CDK11B: variants seen among roughly 807,000 people sequenced by gnomAD.
The protein encoded by CDK11B is cyclin-dependent kinase 11B.
In CDK11B, 37 loss-of-function variants were observed where a neutral mutation model predicts 84.0. The ratio of observed to expected loss-of-function variants is 0.44; its 90% CI spans 0.34 to 0.58. The LOEUF is 0.58. Ranked by LOEUF, CDK11B falls within the 20% of genes least tolerant of loss-of-function variation. The pLI is 0.02. For synonymous variants in CDK11B, 269 were observed against 309.8 expected, an observed-to-expected ratio of 0.87 and a Z score of 1.38; for missense variants, 427 against 834.0, an observed-to-expected ratio of 0.51 and a Z score of 6.01.
At position 1,640,260 on chromosome 1, in the gene CDK11B, C is replaced by A. The variant is rs775877993; in HGVS notation, c.1251+17G>T. The A allele has an allele frequency of 1.2e-5, 19 of 1,612,230 alleles. No homozygotes were observed. In the African/African-American group the frequency reaches 2.1e-4, roughly 18 times the overall value. ...TGCCAATGCGGACAGTGGCCCGGGGCGAGGGGAGGGCCTGACCTGCAGGGC... is the reference window on the plus strand; with the variant it reads ...TGCCAATGCGGACAGTGGCCCGGGGAGAGGGGAGGGCCTGACCTGCAGGGC... On this transcript the variant is annotated intron_variant, in intron 11 of 19. Coordinates refer to ENST00000341832, the MANE Select transcript of CDK11B (RefSeq NM_033486.3).
At position 1,646,561 on chromosome 1, in the gene CDK11B, G is replaced by A. The variant is rs1557694917; in HGVS notation, c.495-1299C>T. 9.7e-6 allele frequency: 5 copies of A among 517,464 alleles called. No individual in the cohort carries two copies. In the East Asian group the frequency reaches 2.7e-4, roughly 28 times the overall value. 32.1% of individuals were successfully genotyped at this position (517,464 alleles called of 1,614,324 possible). On this transcript the variant is annotated intron_variant, in intron 5 of 19. Transcript: ENST00000341832. ...CAGTAAAACCTAAGATGTGAGGAGAGATAGTTACAGGATATTGACGTCAAC... is the reference window on the plus strand; with the variant it reads ...CAGTAAAACCTAAGATGTGAGGAGAAATAGTTACAGGATATTGACGTCAAC...
chr1:1,647,728 G>A (rs1158800790), intron 5 of CDK11B, among the ~76,000 whole-genome samples: 2 of 152,248 alleles, frequency 1.3e-5, no homozygotes, highest in Non-Finnish European at 2.9e-5. Flanking sequence ...TCTTTGGCGA[G>A]ATCACAGCTG....
At chr1:1,657,727 C>T (rs1642943079) in intron 1 of CDK11B, among the ~76,000 whole-genome samples, 1 of 120,850 alleles carries the variant, frequency 8.3e-6, no homozygotes, top group Admixed American at 8.6e-5. Flanking sequence ...GGCAAAACCT[C>T]GTCTCTACAA....
At chr1:1,647,208 G>C (rs1171659660) in intron 5 of CDK11B, among the ~76,000 whole-genome samples, 1 of 152,220 alleles carries the variant, frequency 6.6e-6, no homozygotes, top group Non-Finnish European at 1.5e-5. Context: ...TCCACAAGTT[G>C]TTTCCAAGCC....
chr1:1,643,439 CAA>C (rs1217267129), intron 6 of CDK11B, among the ~76,000 whole-genome samples: 1 of 151,416 alleles, frequency 6.6e-6, no homozygotes, highest in East Asian at 1.9e-4. Flanking sequence ...AAGAAAAACA[CAA>C]GAGAAACAAA....
intron 4 of CDK11B, among the ~76,000 whole-genome samples, chr1:1,651,421 G>A (rs1180314547): frequency 1.5e-4 from 22 of 142,462 alleles, no homozygotes; most frequent in East Asian, 2.1e-4. Flanking sequence ...TTTGCTCTCT[G>A]TAGCCCCTCT....
At chr1:1,640,579 T>C (rs1386308043) in intron 10 of CDK11B, 127 bp from the exon 11 acceptor site, 20 of 1,144,570 alleles carry the variant, frequency 1.7e-5, no homozygotes, top group Non-Finnish European at 2.4e-5. Context: ...GGCGCTGGGC[T>C]CTCGTCCCCT....
intron 3 of CDK11B, among the ~76,000 whole-genome samples, chr1:1,652,769 TG>T (rs1370861608): frequency 1.9e-4 from 29 of 152,348 alleles, no homozygotes; most frequent in African/African-American, 6.7e-4. Flanking sequence ...CTCGCTCTGT[TG>T]CCCGGGCTAT....
At chr1:1,646,416 G>C (rs753878703) in intron 5 of CDK11B, 2 of 519,634 alleles carry the variant, frequency 3.8e-6, no homozygotes, top group Non-Finnish European at 7.7e-6. Context: ...CATGATACTA[G>C]CTCAAGTCCA....
chr1:1,650,021 T>C (rs1407938855), intron 4 of CDK11B, among the ~76,000 whole-genome samples: 330 of 147,460 alleles, frequency 2.2e-3, no homozygotes, highest in South Asian at 4.1e-3. Flanking sequence ...CGCCTGTAAT[T>C]CCAGCACTCT....
chr1:1,654,849 G>A (rs1297703630), intron 3 of CDK11B, among the ~76,000 whole-genome samples: 1 of 151,326 alleles, frequency 6.6e-6, no homozygotes, highest in African/African-American at 2.4e-5. Context: ...TAGTAGAGAC[G>A]GGGTTTCACT....
In CDK11B at chr1:1,641,241, G is replaced by A. The variant is rs1640248463; in HGVS notation, c.1010-128C>T. The A allele has an allele frequency of 4.7e-6, 7 of 1,473,908 alleles. No individual in the cohort carries two copies. In the South Asian group the frequency reaches 8.6e-5, roughly 18 times the overall value. 91.3% of individuals were successfully genotyped at this position (1,473,908 alleles called of 1,614,324 possible). On this transcript the variant is annotated intron_variant, in intron 9 of 19. Transcript: ENST00000341832. ...ATGGATATGCAGGCCGGGCGCGGTG[G>A]CTCACGCCTGTAATCCCAGCGCTTT...
In CDK11B at chr1:1,636,492, G is replaced by A. The variant is rs1435652935; in HGVS notation, c.1918-11C>T. On this transcript the variant is annotated splice_polypyrimidine_tract_variant and intron_variant, in intron 17 of 19. Coordinates refer to ENST00000341832, the MANE Select transcript of CDK11B (RefSeq NM_033486.3). ...AGGGGTCCCCAGATCCTGAAAGACA[G>A]AGGTGCTTCAACAGCCACACCAAGT... 3 of 1,608,778 alleles carry A rather than the reference G, an allele frequency of 1.9e-6. No individual in the cohort carries two copies. The highest frequency in any genetic ancestry group is 2.2e-5 in the South Asian group (2 of 90,390).
chr1:1,643,653 T>C (rs1640589655), intron 6 of CDK11B, among the ~76,000 whole-genome samples: 1 of 143,536 alleles, frequency 7.0e-6, no homozygotes, highest in African/African-American at 2.9e-5. Context: ...AGACAGAAGA[T>C]CCAACAAGAA....
intron 6 of CDK11B, among the ~76,000 whole-genome samples, chr1:1,644,095 T>C (rs1201517993): frequency 3.3e-5 from 5 of 152,284 alleles, no homozygotes; most frequent in African/African-American, 1.2e-4. Flanking sequence ...CTCAATCAGG[T>C]CATCAGATTA....
In CDK11B at chr1:1,640,196, G is replaced by A. The variant is rs535918275; in HGVS notation, c.1251+81C>T. Reference sequence around the variant, plus strand: ...CCTGTGAGGCGACAGACGCCAACACGGGGGCCAGGCTTCGCTCAGCCCCTG... The same window carrying A: ...CCTGTGAGGCGACAGACGCCAACACAGGGGCCAGGCTTCGCTCAGCCCCTG... On this transcript the variant is annotated intron_variant, in intron 11 of 19. Transcript: ENST00000341832. 8.0e-5 allele frequency: 121 copies of A among 1,509,276 alleles called. No individual in the cohort carries two copies. The South Asian group carries it at 1.3e-3, about 16-fold the overall frequency. The allele number at this position is 1,509,276 out of a possible 1,614,324, so 93.5% of individuals were successfully genotyped here.
intron 2 of CDK11B, 161 bp downstream of exon 2, chr1:1,657,214 T>G (rs552409351): frequency 1.2e-6 from 2 of 1,613,928 alleles, no homozygotes; most frequent in African/African-American, 1.3e-5. Flanking sequence ...AACTGAATAT[T>G]TGAATGTTTT....
In CDK11B at chr1:1,651,954, TAG is replaced by T. The variant is rs1381459859; in HGVS notation, c.355+483_355+484del. On this transcript the variant is annotated intron_variant, in intron 4 of 19. Transcript: ENST00000341832. Reference sequence around the variant, plus strand: ...TCTGTGACACACACATGCTTTTAGCTAGAGTTTGCTCTGTATAGCCCTTCTGA... The same window carrying T: ...TCTGTGACACACACATGCTTTTAGCTAGTTTGCTCTGTATAGCCCTTCTGA... Among the ~76,000 whole-genome samples the T allele has an allele frequency of 7.6e-3, 1,151 of 151,998 alleles. 13 individuals are homozygous for T. The highest frequency in any genetic ancestry group is 0.026 in the African/African-American group (1,076 of 41,376).
In CDK11B at chr1:1,641,366, G is replaced by A. The variant is rs531674727; in HGVS notation, c.1010-253C>T. On this transcript the variant is annotated intron_variant, in intron 9 of 19. Transcript: ENST00000341832. ...TCGACTAAAAATAAAAAAATTATCCGGGCGTGCTGGCGCACACCTGTACTC... is the reference window on the plus strand; with the variant it reads ...TCGACTAAAAATAAAAAAATTATCCAGGCGTGCTGGCGCACACCTGTACTC... Among the ~76,000 whole-genome samples the A allele has an allele frequency of 3.1e-3, 462 of 148,092 alleles. 12 individuals carry two copies. Among genetic ancestry groups the A allele is most frequent in the African/African-American group, 0.011 (438 of 41,276 alleles).
Sources: allele counts gnomAD v4.1 joint callset (sites outside exome capture counted in the v4.1 genomes callset), GRCh38; gene constraint gnomAD v4.1.1; transcripts MANE v1.5; gene names NCBI Gene and HGNC (gene_info 2026-07-23, HGNC 2026-07-21).